The following NXNL2 variants were observed in gnomAD, a reference collection of about 807,000 sequenced individuals.
NXNL2 encodes the protein nucleoredoxin like 2.
In NXNL2, 7 loss-of-function variants were observed where a neutral mutation model predicts 11.1. That is an observed-to-expected ratio of 0.63 (90% CI 0.36 to 1.18). The LOEUF (loss-of-function observed/expected upper bound fraction) is 1.18, where lower values mean the gene tolerates loss of function less well. Among genes scored for constraint, NXNL2 ranks in the 50% most tolerant of loss-of-function variants. The pLI, the probability that NXNL2 is intolerant of heterozygous loss-of-function variation, is 0.02. For synonymous variants in NXNL2, 109 were observed against 101.8 expected, an observed-to-expected ratio of 1.07 and a Z score of -0.42; for missense variants, 233 against 217.7, an observed-to-expected ratio of 1.07 and a Z score of -0.44.
In NXNL2 at chr9:88,544,971, T is replaced by C; in HGVS notation, c.*424T>C. On this transcript the variant is annotated 3_prime_UTR_variant, in exon 2 of 2. Transcript: ENST00000375854. The stretch of plus-strand genomic sequence containing the variant: ...AATAAAGTTTGCAAGCTGTGTACTT[T>C]AATAAACAAGTCTATTGCCTTCTTT... 1 of 864,700 alleles carries C rather than the reference T, an allele frequency of 1.2e-6. No individual in the cohort carries two copies. The highest frequency in any genetic ancestry group is 1.4e-6 in the Non-Finnish European group (1 of 719,782). The allele number at this position is 864,700 out of a possible 1,614,324, so 53.6% of individuals were successfully genotyped here.
rs866601632 is a variant in NXNL2, at chr9:88,573,148, A to T, written c.*17-1939A>T. ...TTGATTGAAGGACATAAAATAGTCA[A>T]TTTTTTTTTTTTTGAGACAAGGTCT... is the stretch of plus-strand genomic sequence containing the variant. On this transcript the variant is annotated intron_variant, in intron 2 of 2. Transcript: ENST00000375855. 3.4e-5 allele frequency among the ~76,000 whole-genome samples: 5 copies of T among 148,366 alleles called. No homozygotes were observed. In the South Asian group the frequency reaches 1.1e-3, roughly 32 times the overall value.
intron 2 of NXNL2, among the ~76,000 whole-genome samples, chr9:88,574,430 A>G (rs1830318346): frequency 6.6e-6 from 1 of 152,222 alleles, no homozygotes; most frequent in African/African-American, 2.4e-5. Flanking sequence ...ATGAGACATC[A>G]ATCAATATAT....
At position 88,535,479 on chromosome 9, in the gene NXNL2, C is replaced by A; in HGVS notation, c.45C>A (p.Gly15=). 1 of 1,608,908 alleles carries A rather than the reference C, an allele frequency of 6.2e-7. No individual in the cohort carries two copies. Among genetic ancestry groups the A allele is most frequent in the Non-Finnish European group, 8.5e-7 (1 of 1,178,540 alleles). Residue 15 remains glycine, a synonymous_variant, in exon 1 of 2, where the codon GGC becomes GGA. Transcript: ENST00000375854. The part of the protein sequence containing the change: ...LGERHLVTCK[G]ATVEAEAALQ... ...AGCGGCACCTGGTGACCTGTAAGGG[C>A]GCGACGGTGGAGGCCGAGGCGGCGC... is the stretch of plus-strand genomic sequence containing the variant.
In NXNL2 at chr9:88,544,766, T is replaced by C; in HGVS notation, c.*219T>C. Reference sequence around the variant, plus strand: ...GTTTGTATTATAGTTATTTTTGTTATTCTTTGCATACCTTTATCCACCTGT... The same window carrying C: ...GTTTGTATTATAGTTATTTTTGTTACTCTTTGCATACCTTTATCCACCTGT... On this transcript the variant is annotated 3_prime_UTR_variant, in exon 2 of 2. Coordinates refer to ENST00000375854, the MANE Select transcript of NXNL2 (RefSeq NM_001161625.2). 7.7e-7 allele frequency: 1 copy of C among 1,305,034 alleles called. No individual in the cohort carries two copies. Among genetic ancestry groups the C allele is most frequent in the Non-Finnish European group, 9.7e-7 (1 of 1,031,158 alleles). 80.8% of individuals were successfully genotyped at this position (1,305,034 alleles called of 1,614,324 possible). A position where few individuals can be genotyped will look rare whatever the true frequency, so the allele number is the denominator to read the frequency against.
chr9:88,571,584 C>T (rs1247351593), intron 2 of NXNL2, among the ~76,000 whole-genome samples: 5 of 152,176 alleles, frequency 3.3e-5, no homozygotes, highest in Admixed American at 2.0e-4. Context: ...AACTGTGCTG[C>T]GCGTGTGGAG....
At chr9:88,542,403 C>T (rs964685768) in intron 1 of NXNL2, among the ~76,000 whole-genome samples, 3 of 151,864 alleles carry the variant, frequency 2.0e-5, no homozygotes, top group African/African-American at 7.2e-5. Flanking sequence ...ATTCTCTGGC[C>T]TCAGCCTCCC....
At chr9:88,555,616 TC>T (rs1181453796) in intron 1 of NXNL2, among the ~76,000 whole-genome samples, 2 of 152,174 alleles carry the variant, frequency 1.3e-5, no homozygotes, top group Non-Finnish European at 2.9e-5. Context: ...AGTTATATCT[TC>T]AGTGTGGAAT....
At chr9:88,537,440 TG>T (rs1424983576) in intron 1 of NXNL2, among the ~76,000 whole-genome samples, 3 of 152,218 alleles carry the variant, frequency 2.0e-5, no homozygotes, top group African/African-American at 7.2e-5. Context: ...CTGCGTGACG[TG>T]GGTCAGCTGT....
chr9:88,540,479 A>G (rs1187861903), intron 1 of NXNL2, among the ~76,000 whole-genome samples: 2 of 151,980 alleles, frequency 1.3e-5, no homozygotes, highest in South Asian at 4.2e-4. Context: ...CCCTGTTGTG[A>G]GCACTCATGG....
intron 1 of NXNL2, among the ~76,000 whole-genome samples, chr9:88,559,333 A>G (rs1198601450): frequency 6.6e-6 from 1 of 152,132 alleles, no homozygotes; most frequent in Non-Finnish European, 1.5e-5. Flanking sequence ...GCTGAAAGCT[A>G]TTATAGGCAC....
intron 1 of NXNL2, among the ~76,000 whole-genome samples, chr9:88,570,545 C>T (rs1439828008): frequency 6.6e-6 from 1 of 152,162 alleles, no homozygotes; most frequent in African/African-American, 2.4e-5. Flanking sequence ...CTCATCATGC[C>T]TCAGTTTCCT....
chr9:88,561,352 G>T (rs1390378449), intron 1 of NXNL2, among the ~76,000 whole-genome samples: 4 of 152,074 alleles, frequency 2.6e-5, no homozygotes, highest in South Asian at 4.1e-4. Flanking sequence ...GCCTATTGTG[G>T]AATCTTGTGA....
intron 1 of NXNL2, among the ~76,000 whole-genome samples, chr9:88,541,621 C>T (rs1388955536): frequency 6.6e-6 from 1 of 152,156 alleles, no homozygotes; most frequent in African/African-American, 2.4e-5. Flanking sequence ...TTTTATTGGT[C>T]ACCCCATGTT....
chr9:88,571,926 G>A (rs563834590), intron 2 of NXNL2, among the ~76,000 whole-genome samples: 12 of 152,248 alleles, frequency 7.9e-5, no homozygotes, highest in Admixed American at 2.6e-4. Flanking sequence ...CAGAGGGCAC[G>A]CAGGGAGGGG....
intron 1 of NXNL2, chr9:88,538,414 G>A (rs1829674678): frequency 6.6e-6 from 1 of 152,240 alleles, no homozygotes; most frequent in Non-Finnish European, 1.5e-5. Context: ...GCTTTAATGA[G>A]ACACCCATCA....
intron 1 of NXNL2, among the ~76,000 whole-genome samples, chr9:88,565,778 C>T (rs979612634): frequency 3.9e-5 from 6 of 152,116 alleles, no homozygotes; most frequent in Non-Finnish European, 5.9e-5. Flanking sequence ...CTCATGTGAT[C>T]CACCCACCTT....
intron 1 of NXNL2, among the ~76,000 whole-genome samples, chr9:88,542,907 C>T (rs774814445): frequency 4.6e-5 from 7 of 152,044 alleles, no homozygotes; most frequent in East Asian, 1.9e-4. Context: ...TCCTTCCACT[C>T]GGGTTCACAA....
chr9:88,552,928 G>A (rs920430529), intron 1 of NXNL2, among the ~76,000 whole-genome samples: 1 of 152,116 alleles, frequency 6.6e-6, no homozygotes, highest in Admixed American at 6.6e-5. Context: ...GGAAGTGGTG[G>A]AAAAATTGCC....
At chr9:88,573,982 G>A (rs1393767292) in intron 2 of NXNL2, among the ~76,000 whole-genome samples, 3 of 152,230 alleles carry the variant, frequency 2.0e-5, no homozygotes, top group African/African-American at 7.2e-5. Flanking sequence ...ACAAGTATTG[G>A]TGAGGATGTG....
Sources: allele counts gnomAD v4.1 joint callset (sites outside exome capture counted in the v4.1 genomes callset), GRCh38; gene constraint gnomAD v4.1.1; transcripts MANE v1.5; gene names NCBI Gene and HGNC (gene_info 2026-07-23, HGNC 2026-07-21).